Variants in FIRRM observed in about 807,000 individuals in gnomAD.
FIRRM encodes FIGNL1-interacting regulator of recombination and mitosis.
chr1:169,849,578 T>C, the FIRRM span: 1 of 1,613,854 alleles, frequency 6.2e-7, no homozygotes, highest in Non-Finnish European at 8.5e-7. Flanking sequence ...ACAACATACC[T>C]TGGAGGCGTT....
the FIRRM span, among the ~76,000 whole-genome samples, chr1:169,813,547 A>G: frequency 6.6e-6 from 1 of 152,250 alleles, no homozygotes; most frequent in Non-Finnish European, 1.5e-5. Context: ...TAACACATTT[A>G]AAAATAATGA....
chr1:169,853,856 T>TAA, the FIRRM span: 1 of 1,486,838 alleles, frequency 6.7e-7, no homozygotes. Flanking sequence ...AGCAGGAATT[T>TAA]AAAATTTATC....
At chr1:169,795,067 C>T in the FIRRM span, 2 of 1,490,774 alleles carry the variant, frequency 1.3e-6, no homozygotes, top group Non-Finnish European at 1.8e-6. Flanking sequence ...TGGGCTTTGG[C>T]GGGTCTGGTT....
At chr1:169,817,323 A>G in the FIRRM span, among the ~76,000 whole-genome samples, 2 of 152,192 alleles carry the variant, frequency 1.3e-5, no homozygotes, top group Non-Finnish European at 1.5e-5. Context: ...TTAAAAATCA[A>G]CTTTTGATTA....
At chr1:169,838,288 A>C in the FIRRM span, among the ~76,000 whole-genome samples, 4 of 152,094 alleles carry the variant, frequency 2.6e-5, no homozygotes, top group African/African-American at 9.7e-5. Flanking sequence ...AAAAGTATCA[A>C]ATACCTAGTT....
chr1:169,795,550 T>A, the FIRRM span: 1 of 1,065,064 alleles, frequency 9.4e-7, no homozygotes, highest in East Asian at 7.5e-5. Flanking sequence ...TAGTGGATAA[T>A]GGGGGAGGCA....
At chr1:169,853,669 A>T in the FIRRM span, 1 of 1,598,922 alleles carries the variant, frequency 6.3e-7, no homozygotes, top group South Asian at 1.1e-5. Context: ...ATTTTTTTTA[A>T]AAAAAGGGAA....
chr1:169,849,387 CT>C, the FIRRM span: 2 of 730,914 alleles, frequency 2.7e-6, no homozygotes, highest in Non-Finnish European at 4.5e-6. Flanking sequence ...TGTGTGTCCC[CT>C]GGGACAGGAT....
At chr1:169,793,483 G>C in the FIRRM span, 5 of 1,614,088 alleles carry the variant, frequency 3.1e-6, no homozygotes, top group South Asian at 5.5e-5. Flanking sequence ...TGTCTTGAGA[G>C]GGAGCTGCAT....
At chr1:169,847,507 TG>T in the FIRRM span, among the ~76,000 whole-genome samples, 1 of 152,210 alleles carries the variant, frequency 6.6e-6, no homozygotes, top group Non-Finnish European at 1.5e-5. Context: ...ACTGTTAACT[TG>T]TTCATAGGAT....
the FIRRM span, chr1:169,843,797 T>G: frequency 7.0e-7 from 1 of 1,433,044 alleles, no homozygotes; most frequent in Non-Finnish European, 9.8e-7. Context: ...ATTGATACTT[T>G]GTTTGCTAAG....
chr1:169,788,676 C>T, the FIRRM span, among the ~76,000 whole-genome samples: 1 of 152,136 alleles, frequency 6.6e-6, no homozygotes, highest in Non-Finnish European at 1.5e-5. Context: ...TCCATCCCAT[C>T]AGTAAATGGA....
At chr1:169,849,437 G>A in the FIRRM span, 3 of 1,219,070 alleles carry the variant, frequency 2.5e-6, no homozygotes, top group African/African-American at 3.0e-5. Flanking sequence ...TGAATGTATG[G>A]CTATTTTATG....
At chr1:169,830,882 A>G in the FIRRM span, 2 of 748,248 alleles carry the variant, frequency 2.7e-6, no homozygotes, top group South Asian at 1.8e-5. Context: ...TTTGTCTTGT[A>G]TTAATGCTGA....
chr1:169,828,235 G>A, the FIRRM span, among the ~76,000 whole-genome samples: 2 of 152,148 alleles, frequency 1.3e-5, no homozygotes, highest in African/African-American at 4.8e-5. Flanking sequence ...CCAGGCTCTA[G>A]TTTCTTTCTT....
the FIRRM span, among the ~76,000 whole-genome samples, chr1:169,815,309 A>G: frequency 1.3e-5 from 2 of 151,526 alleles, no homozygotes; most frequent in Non-Finnish European, 2.9e-5. Flanking sequence ...AAAAAAAAAA[A>G]GAAAAGAATA....
At chr1:169,832,633 C>T in the FIRRM span, 2,411 of 655,418 alleles carry the variant, frequency 3.7e-3, 50 homozygotes, top group African/African-American at 0.04. Context: ...GACAGAGTCT[C>T]GCTCTGTCAC....
chr1:169,784,216 C>T, the FIRRM span, among the ~76,000 whole-genome samples: 1 of 152,128 alleles, frequency 6.6e-6, no homozygotes, highest in Non-Finnish European at 1.5e-5. Flanking sequence ...TCCCAAACTC[C>T]AACTGAGGTC....
chr1:169,847,762 G>A, the FIRRM span: 3 of 1,613,396 alleles, frequency 1.9e-6, no homozygotes, highest in Non-Finnish European at 2.5e-6. Context: ...GTTGGATTTT[G>A]TATCTTCTTT....
Sources: gnomAD v4.1 joint callset for allele counts (sites outside exome capture counted in the v4.1 genomes callset) on GRCh38, gnomAD v4.1.1 for gene constraint, MANE v1.5 for transcripts, NCBI Gene and HGNC (gene_info 2026-07-23, HGNC 2026-07-21) for gene names.